ARHGAP32: variants seen among roughly 807,000 people sequenced by gnomAD.
The protein encoded by ARHGAP32 is Rho GTPase activating protein 32, also known as rho GTPase-activating protein 32.
In ARHGAP32, 51 loss-of-function variants were observed where a neutral mutation model predicts 186.5. The ratio of observed to expected loss-of-function variants is 0.27; its 90% confidence interval spans 0.22 to 0.35. ARHGAP32 has a LOEUF of 0.35. ARHGAP32 is among the 10% of genes least tolerant of loss of function. The pLI is 1.00. For synonymous variants in ARHGAP32, 950 were observed against 964.3 expected, an observed-to-expected ratio of 0.99 and a Z score of 0.27; for missense variants, 2,186 against 2,623.5, an observed-to-expected ratio of 0.83 and a Z score of 3.64.
At chr11:129,056,841 A>G (rs1565399688) in intron 10 of ARHGAP32, among the ~76,000 whole-genome samples, 1 of 152,122 alleles carries the variant, frequency 6.6e-6, no homozygotes, top group East Asian at 1.9e-4. Context: ...ACCTCAGCTC[A>G]CTCAGCCTCC....
At position 128,972,482 on chromosome 11, in the gene ARHGAP32, T is replaced by C. The variant is rs1475978105; in HGVS notation, c.4024A>G (p.Thr1342Ala). Residue 1342 changes from threonine to alanine, a missense_variant, in exon 22 of 23, where the codon ACC (threonine) becomes GCC (alanine). Transcript: ENST00000682385. ...PPVVGQVQAA[T>A]NIGLNNSHKV... ...TGGGAATTATTTAATCCTATATTGG[T>C]TGCTGCTTGTACCTGCCCCACAACT... 4 of 1,522,542 alleles carry C rather than the reference T, an allele frequency of 2.6e-6. No individual in the cohort carries two copies. The highest frequency in any genetic ancestry group is 2.3e-5 in the East Asian group (1 of 44,132). 94.3% of individuals were successfully genotyped at this position (1,522,542 alleles called of 1,614,324 possible).
At chr11:129,133,329 G>GA (rs1258901366) in intron 2 of ARHGAP32, among the ~76,000 whole-genome samples, 3 of 151,812 alleles carry the variant, frequency 2.0e-5, no homozygotes, top group Non-Finnish European at 2.9e-5. Flanking sequence ...CTGAAGATGA[G>GA]AAAAAACACA....
intron 10 of ARHGAP32, among the ~76,000 whole-genome samples, chr11:129,047,204 C>T (rs968204180): frequency 3.9e-5 from 6 of 152,154 alleles, no homozygotes; most frequent in Admixed American, 3.3e-4. Flanking sequence ...GCACTGTTGG[C>T]GTAGCCAAAC....
At chr11:128,995,938 G>C (rs1216385024) in intron 12 of ARHGAP32, among the ~76,000 whole-genome samples, 1 of 152,216 alleles carries the variant, frequency 6.6e-6, no homozygotes, top group East Asian at 1.9e-4. Flanking sequence ...ATAACATTAA[G>C]ATAAGTCCCT....
At chr11:129,206,770 T>G (rs1488854478) in intron 1 of ARHGAP32, among the ~76,000 whole-genome samples, 2 of 151,708 alleles carry the variant, frequency 1.3e-5, no homozygotes, top group Non-Finnish European at 2.9e-5. Context: ...TTTTTATGAA[T>G]ATACTTTAAG....
chr11:129,135,547 CAGA>C (rs1331991013), intron 2 of ARHGAP32, among the ~76,000 whole-genome samples: 1 of 152,086 alleles, frequency 6.6e-6, no homozygotes, highest in Non-Finnish European at 1.5e-5. Flanking sequence ...GCTGGCGGAT[CAGA>C]AGGTCAGGAG....
chr11:129,027,338 C>T (rs1938903633), intron 11 of ARHGAP32, among the ~76,000 whole-genome samples: 1 of 152,140 alleles, frequency 6.6e-6, no homozygotes, highest in Non-Finnish European at 1.5e-5. Flanking sequence ...AAGTGATCCT[C>T]TTAACAAGAA....
intron 1 of ARHGAP32, among the ~76,000 whole-genome samples, chr11:129,169,564 A>G (rs983207348): frequency 6.8e-6 from 1 of 148,104 alleles, no homozygotes; most frequent in East Asian, 2.0e-4. Flanking sequence ...CCGGGAGGTG[A>G]AGCTTTGCAG....
Position 129,096,844 on chromosome 11 carries a change from T to A in ARHGAP32, c.445-3137A>T, listed in dbSNP as rs568840183. Among the ~76,000 whole-genome samples, 184 of 152,128 alleles carry A rather than the reference T, an allele frequency of 1.2e-3. 2 individuals are homozygous for A. Among genetic ancestry groups the A allele is most frequent in the Middle Eastern group, 3.4e-3 (1 of 294 alleles). ...TTCTCTTTTTCCTCCTTTGGGAAAA[T>A]ATAATAGACTAGGGCATTCAAAAGC... On this transcript the variant is annotated intron_variant, in intron 5 of 22. Transcript: ENST00000682385.
chr11:129,051,421 G>T (rs1940036702), intron 10 of ARHGAP32, among the ~76,000 whole-genome samples: 1 of 152,132 alleles, frequency 6.6e-6, no homozygotes, highest in Admixed American at 6.5e-5. Context: ...TCTTATGTTT[G>T]TTGGTCACAT....
intron 11 of ARHGAP32, among the ~76,000 whole-genome samples, chr11:129,030,102 T>C (rs1326179403): frequency 6.6e-6 from 1 of 152,174 alleles, no homozygotes; most frequent in South Asian, 2.1e-4. Context: ...TCAGTGCCTC[T>C]GAAGGTAGGG....
intron 6 of ARHGAP32, among the ~76,000 whole-genome samples, chr11:129,073,355 T>C (rs149870718): frequency 6.6e-6 from 1 of 152,184 alleles, no homozygotes; most frequent in East Asian, 1.9e-4. Context: ...AAGGAAAAAG[T>C]AGACAATATG....
intron 1 of ARHGAP32, among the ~76,000 whole-genome samples, chr11:129,240,925 C>G (rs1945008161): frequency 1.3e-5 from 2 of 152,146 alleles, no homozygotes; most frequent in African/African-American, 4.8e-5. Flanking sequence ...CTGGAGAAAT[C>G]TGGGAATCCA....
intron 11 of ARHGAP32, among the ~76,000 whole-genome samples, chr11:129,031,283 C>T (rs1489469984): frequency 1.3e-5 from 2 of 152,166 alleles, no homozygotes; most frequent in Non-Finnish European, 1.5e-5. Context: ...AGTTGACATT[C>T]ACTAAGTATC....
chr11:129,189,316 T>A (rs1944228061), intron 1 of ARHGAP32, among the ~76,000 whole-genome samples: 1 of 152,134 alleles, frequency 6.6e-6, no homozygotes, highest in Non-Finnish European at 1.5e-5. Flanking sequence ...GCTGTGTGAC[T>A]CTCTGAGCCA....
chr11:129,253,444 G>C (rs1945213016), intron 1 of ARHGAP32, among the ~76,000 whole-genome samples: 1 of 152,070 alleles, frequency 6.6e-6, no homozygotes. Flanking sequence ...CATAAACAGA[G>C]CCACAATATT....
At chr11:129,266,478 C>A (rs924135573) in intron 1 of ARHGAP32, among the ~76,000 whole-genome samples, 5 of 152,184 alleles carry the variant, frequency 3.3e-5, no homozygotes, top group Non-Finnish European at 7.3e-5. Flanking sequence ...TCTTGCCACT[C>A]TACCCCTGAC....
At chr11:129,114,810 C>G (rs1942318973) in intron 5 of ARHGAP32, among the ~76,000 whole-genome samples, 1 of 152,086 alleles carries the variant, frequency 6.6e-6, no homozygotes, top group Non-Finnish European at 1.5e-5. Flanking sequence ...ATTGAGTTCA[C>G]TTTTCTATCA....
chr11:128,972,553 C>T lies in ARHGAP32; in HGVS notation c.3953G>A (p.Arg1318His), dbSNP rs761451307. Residue 1318 changes from arginine (R) to histidine (H), a missense_variant, in exon 22 of 23, where the codon CGT becomes CAT. Coordinates refer to ENST00000682385, the MANE Select transcript of ARHGAP32 (RefSeq NM_001378024.1). Reference protein sequence around the residue: ...ATLQRTHRTNRPLPPPPSQRS... With the variant: ...ATLQRTHRTNHPLPPPPSQRS... ...CTGGGAAGGCGGAGGGGGAAGGGGACGATTAGTTCTGTGCGTGCGCTGAAG... is the reference window on the plus strand; with the variant it reads ...CTGGGAAGGCGGAGGGGGAAGGGGATGATTAGTTCTGTGCGTGCGCTGAAG... 1.6e-5 allele frequency: 26 copies of T among 1,578,472 alleles called. No homozygotes were observed. Among genetic ancestry groups the T allele is most frequent in the Middle Eastern group, 1.7e-4 (1 of 5,878 alleles).
Sources: gnomAD v4.1 joint callset for allele counts (sites outside exome capture counted in the v4.1 genomes callset) on GRCh38, gnomAD v4.1.1 for gene constraint, MANE v1.5 for transcripts, NCBI Gene and HGNC (gene_info 2026-07-23, HGNC 2026-07-21) for gene names.